FBN2: variants seen among roughly 807,000 people sequenced by gnomAD.
The protein encoded by FBN2 is fibrillin 2.
A neutral mutation model predicts 355.6 loss-of-function variants in FBN2; 105 were observed. The observed-to-expected ratio is 0.30, with a 90% CI of 0.25 to 0.35. FBN2 has a LOEUF of 0.35. Ranked by LOEUF, FBN2 falls within the 10% of genes least tolerant of loss-of-function variation. FBN2 has a pLI of 1.00. For missense variants in FBN2, 3,280 were observed against 3,758.7 expected, an observed-to-expected ratio of 0.87 and a Z score of 3.33; for synonymous variants, 1,350 against 1,301.2, an observed-to-expected ratio of 1.04 and a Z score of -0.81.
In FBN2 at chr5:128,537,459, A is replaced by G. The variant is rs769493727; in HGVS notation, c.145T>C (p.Ser49Pro). Residue 49 changes from serine to proline, a missense_variant, in exon 1 of 65, where the codon TCC becomes CCC. Coordinates refer to ENST00000262464, the MANE Select transcript of FBN2 (RefSeq NM_001999.4). ...CCGCCTTCAGAGCCTGCTGTAGCGG[A>G]CCGAACCTGTTGCGGCGGCGGCTGG... is the stretch of plus-strand genomic sequence containing the variant. ...RPQPPPQQVR[S>P]ATAGSEGGFL... 1 of 1,606,626 alleles carries G rather than the reference A, an allele frequency of 6.2e-7. No individual in the cohort carries two copies. The highest frequency in any genetic ancestry group is 1.7e-5 in the Admixed American group (1 of 59,494).
At chr5:128,483,181 G>A (rs950186985) in intron 5 of FBN2, among the ~76,000 whole-genome samples, 1 of 152,090 alleles carries the variant, frequency 6.6e-6, no homozygotes, top group Admixed American at 6.6e-5. Context: ...AAGGGAAGAA[G>A]GGTTGAAAAA....
In FBN2 at chr5:128,312,684, A is replaced by C; in HGVS notation, c.4829T>G (p.Leu1610Arg). Residue 1610 changes from leucine to arginine, a missense_variant, in exon 37 of 65, where the codon CTG (leucine) becomes CGG (arginine). Physicochemically the swap from Leu to Arg is moderately radical, Grantham distance 102. This residue lies in a region of FBN2 where 2,284 missense variants were observed against 2,749.5 expected (regional missense o/e 0.83). Transcript: ENST00000262464. ...ACAGGGGTTTCCCCAGGCCTTTCCC[A>C]GAGAGCAGCAGCATGAAGAGCGACT... ...GVSRSSCCCSLGKAWGNPCET... is the reference protein window; with the variant it reads ...GVSRSSCCCSRGKAWGNPCET... 6.2e-7 allele frequency: 1 copy of C among 1,613,928 alleles called. No homozygotes were observed.
intron 7 of FBN2, among the ~76,000 whole-genome samples, chr5:128,409,104 A>G (rs1053153846): frequency 5.9e-5 from 9 of 152,218 alleles, no homozygotes; most frequent in Non-Finnish European, 1.2e-4. Context: ...TCCATTCTAC[A>G]TCAACTAGGG....
rs1398716615 is a variant in FBN2, at chr5:128,519,365, A to C, written c.536T>G (p.Val179Gly). The C allele has an allele frequency of 6.2e-7, 1 of 1,613,346 alleles. No homozygotes were observed. Among genetic ancestry groups the C allele is most frequent in the Non-Finnish European group, 8.5e-7 (1 of 1,179,446 alleles). ...ACCATTCTGACATCCATTTTCACAG[A>C]CAGCTGCATACAAAAATAGCAAGAA... is the stretch of plus-strand genomic sequence containing the variant. ...GYIGTYCGQP[V>G]CENGCQNGGR... The change falls in exon 5 of 65, where the codon GTC becomes GGC. Residue 179 changes from valine to glycine, a missense_variant. Physicochemically the swap from Val to Gly is moderately radical, Grantham distance 109. Coordinates refer to ENST00000262464, the MANE Select transcript of FBN2 (RefSeq NM_001999.4).
Position 128,345,464 on chromosome 5 carries a change from C to T in FBN2, c.3110G>A (p.Cys1037Tyr). The T allele has an allele frequency of 6.2e-7, 1 of 1,614,154 alleles. No homozygotes were observed. The highest frequency in any genetic ancestry group is 1.7e-5 in the Admixed American group (1 of 60,024). The change falls in exon 24 of 65, where the codon TGT (cysteine) becomes TAT (tyrosine). Residue 1037 changes from cysteine to tyrosine, a missense_variant. Coordinates refer to ENST00000262464, the MANE Select transcript of FBN2 (RefSeq NM_001999.4). The stretch of plus-strand genomic sequence containing the variant: ...GGTGCCAGGTTTGGGGCACTCCTCA[C>T]ACTCGGTGCCCCAAGCCGCCCCGAC... ...CAVGAAWGTE[C>Y]EECPKPGTKE...
At chr5:128,379,001 T>C in intron 11 of FBN2, 111 bp from the exon 12 acceptor site, 5 of 1,155,992 alleles carry the variant, frequency 4.3e-6, no homozygotes, top group Non-Finnish European at 6.5e-6. Context: ...GTGGTAATAG[T>C]CTAAATAGCG....
intron 50 of FBN2, among the ~76,000 whole-genome samples, chr5:128,290,292 A>G (rs1243291555): frequency 6.6e-6 from 1 of 152,150 alleles, no homozygotes; most frequent in Non-Finnish European, 1.5e-5. Context: ...ATGGGTGCCA[A>G]TGAGACCTGA....
intron 64 of FBN2, among the ~76,000 whole-genome samples, chr5:128,261,253 C>T (rs73784558): frequency 0.02 from 3,010 of 152,252 alleles, 96 homozygotes; most frequent in African/African-American, 0.068. Context: ...TTTCCAACTT[C>T]AGTTCCTTAA....
In FBN2 at chr5:128,344,466, TC is replaced by T; in HGVS notation, c.3261del (p.Lys1088SerfsTer19). On this transcript the variant is annotated frameshift_variant, in exon 25 of 65. Transcript: ENST00000262464. LOFTEE classifies it high-confidence loss of function. ...CKAFPGMCTYGKCRNTIGSFK... is the reference protein window; with the variant it reads ...CKAFPGMCTYXKCRNTIGSFK... ...AAGCTTCCGATTGTATTTCTGCACT[TC>T]CCATAAGTGCACATCCCAGGAAATG... 1 of 1,613,538 alleles carries T rather than the reference TC, an allele frequency of 6.2e-7. No homozygotes were observed. The highest frequency in any genetic ancestry group is 8.5e-7 in the Non-Finnish European group (1 of 1,179,500).
intron 5 of FBN2, among the ~76,000 whole-genome samples, chr5:128,499,173 T>C (rs188633923): frequency 2.0e-5 from 3 of 152,282 alleles, no homozygotes; most frequent in Non-Finnish European, 2.9e-5. Context: ...AGAGGCAAAA[T>C]CTATTCTGGT....
At chr5:128,305,373 A>G (rs1581203094) in intron 44 of FBN2, 138 bp downstream of exon 44, 2 of 975,790 alleles carry the variant, frequency 2.0e-6, no homozygotes, top group Non-Finnish European at 3.2e-6. Context: ...CATCTAAAAG[A>G]TATGGTGAAA....
chr5:128,398,189 T>TA (rs1172020135), intron 8 of FBN2, among the ~76,000 whole-genome samples: 1 of 151,952 alleles, frequency 6.6e-6, no homozygotes, highest in Non-Finnish European at 1.5e-5. Context: ...CCAACACAAT[T>TA]AGAGGACCTA....
intron 8 of FBN2, among the ~76,000 whole-genome samples, chr5:128,405,164 G>T (rs1752893722): frequency 6.6e-6 from 1 of 152,132 alleles, no homozygotes. Context: ...CTGCATTCCA[G>T]CCTGGGTGAC....
Position 128,385,411 on chromosome 5 carries a change from A to T in FBN2, c.1604-6521T>A, listed in dbSNP as rs906895888. ...CTCATTCTTTTTCTTATGGCTACAT[A>T]GTATTCCATGGTGTCTATGTACCAC... On this transcript the variant is annotated intron_variant, in intron 11 of 64. Coordinates refer to ENST00000262464, the MANE Select transcript of FBN2 (RefSeq NM_001999.4). Among the ~76,000 whole-genome samples the T allele has an allele frequency of 2.6e-5, 4 of 152,176 alleles. No individual in the cohort carries two copies. The East Asian group carries it at 7.7e-4, about 29-fold the overall frequency.
chr5:128,350,878 C>A lies in FBN2; in HGVS notation c.2802G>T (p.Arg934=), dbSNP rs140500093. The A allele has an allele frequency of 3.7e-6, 6 of 1,614,042 alleles. No individual in the cohort carries two copies. Among genetic ancestry groups the A allele is most frequent in the East Asian group, 4.5e-5 (2 of 44,876 alleles). ...LGAAWGSPCE[R]CELDTACPRG... Reference sequence around the variant, plus strand: ...CAATAAGGCTCCTACCTAGTTCACACCGCTCACAGGGGCTCCCCCAGGCGG... The same window carrying A: ...CAATAAGGCTCCTACCTAGTTCACAACGCTCACAGGGGCTCCCCCAGGCGG... The change falls in exon 21 of 65, where the codon CGG becomes CGT. Residue 934 remains arginine, a synonymous_variant. Coordinates refer to ENST00000262464, the MANE Select transcript of FBN2 (RefSeq NM_001999.4).
chr5:128,426,986 C>T (rs1198236366), intron 7 of FBN2, among the ~76,000 whole-genome samples: 1 of 152,204 alleles, frequency 6.6e-6, no homozygotes, highest in Non-Finnish European at 1.5e-5. Flanking sequence ...TATCCAGTCT[C>T]ATGGCTTTAA....
At chr5:128,385,880 T>C (rs769953668) in intron 11 of FBN2, among the ~76,000 whole-genome samples, 3 of 152,114 alleles carry the variant, frequency 2.0e-5, no homozygotes, top group Non-Finnish European at 4.4e-5. Flanking sequence ...CATTATTTAA[T>C]GAGATTTTTT....
At chr5:128,282,527 G>A (rs1320484594) in intron 55 of FBN2, among the ~76,000 whole-genome samples, 3 of 151,884 alleles carry the variant, frequency 2.0e-5, no homozygotes, top group African/African-American at 4.8e-5. Flanking sequence ...GTTCTTCCAA[G>A]TTTGATTATG....
intron 11 of FBN2, among the ~76,000 whole-genome samples, chr5:128,387,482 G>T (rs1406685448): frequency 6.6e-6 from 1 of 151,922 alleles, no homozygotes; most frequent in East Asian, 1.9e-4. Flanking sequence ...CTCTGAATTT[G>T]GTTATTTCTT....
Sources: allele counts gnomAD v4.1 joint callset (sites outside exome capture counted in the v4.1 genomes callset), GRCh38; gene constraint gnomAD v4.1.1; regional missense constraint gnomAD v4.1.1; transcripts MANE v1.5; gene names NCBI Gene and HGNC (gene_info 2026-07-23, HGNC 2026-07-21).